PPARA: variants seen among roughly 807,000 people sequenced by gnomAD.
PPARA encodes the protein peroxisome proliferator-activated receptor alpha.
A neutral mutation model predicts 42.2 loss-of-function variants in PPARA; 22 were observed. The ratio of observed to expected loss-of-function variants is 0.52; its 90% CI spans 0.37 to 0.74. PPARA has a LOEUF of 0.74. PPARA is among the 30% of genes least tolerant of loss of function. The pLI is 0.00. For missense variants in PPARA, 465 were observed against 608.2 expected, an observed-to-expected ratio of 0.76 and a Z score of 2.48; for synonymous variants, 242 against 239.3, an observed-to-expected ratio of 1.01 and a Z score of -0.10.
chr22:46,182,687 A>G lies in PPARA; in HGVS notation c.-43+5851A>G, dbSNP rs921264106. 3.9e-5 allele frequency among the ~76,000 whole-genome samples: 6 copies of G among 152,162 alleles called. No homozygotes were observed. Among genetic ancestry groups the G allele is most frequent in the Non-Finnish European group, 8.8e-5 (6 of 68,036 alleles). On this transcript the variant is annotated intron_variant, in intron 3 of 8. Transcript: ENST00000407236. The surrounding 1 kb of genome is among the most constrained non-coding windows in gnomAD (Gnocchi z 5.2). Reference sequence around the variant, plus strand: ...AAAATACCAAATTTGTACACTTTAAATATGTACAGATTATTGTATGCCAGT... The same window carrying G: ...AAAATACCAAATTTGTACACTTTAAGTATGTACAGATTATTGTATGCCAGT...
intron 3 of PPARA, 91 bp from the exon 4 acceptor site, chr22:46,198,251 A>AAAAAG: frequency 2.1e-6 from 1 of 465,456 alleles, no homozygotes. Context: ...AAAAAAAAAA[A>AAAAAG]AAGAATAAAT....
rs1935108666 is a variant in PPARA, at chr22:46,222,848, T to A, written c.711+2834T>A. On this transcript the variant is annotated intron_variant, in intron 7 of 8. Coordinates refer to ENST00000407236, the MANE Select transcript of PPARA (RefSeq NM_005036.6). This position sits in a 1 kb window ranked among gnomAD's most constrained non-coding sequence, Gnocchi z 5.9. ...GACCAGGCAACACAAGGAGACCTCG[T>A]CTCTACAAAAAATGATTTTTTAAAA... 6.6e-6 allele frequency among the ~76,000 whole-genome samples: 1 copy of A among 151,904 alleles called. No homozygotes were observed. The highest frequency in any genetic ancestry group is 6.6e-5 in the Admixed American group (1 of 15,246).
In PPARA at chr22:46,211,685, C is replaced by G. The variant is rs899321772; in HGVS notation, c.209-3488C>G. On this transcript the variant is annotated intron_variant, in intron 4 of 8. Coordinates refer to ENST00000407236, the MANE Select transcript of PPARA (RefSeq NM_005036.6). The surrounding 1 kb of genome is among the most constrained non-coding windows in gnomAD (Gnocchi z 4.1). ...GTATCCACCACTACATTTTCCTTCT[C>G]TCTCTTTCTTGCTTTCTCGCCTTCT... 6.6e-6 allele frequency among the ~76,000 whole-genome samples: 1 copy of G among 152,160 alleles called. No homozygotes were observed. Among genetic ancestry groups the G allele is most frequent in the Non-Finnish European group, 1.5e-5 (1 of 68,036 alleles).
At position 46,243,676 on chromosome 22, in the gene PPARA, GAC is replaced by G. The variant is rs1936437454; in HGVS notation, c.*8297_*8298del. On this transcript the variant is annotated 3_prime_UTR_variant, in exon 9 of 9. Coordinates refer to ENST00000407236, the MANE Select transcript of PPARA (RefSeq NM_005036.6). The surrounding 1 kb of genome is among the most constrained non-coding windows in gnomAD (Gnocchi z 5.0). ...CTGTGTTTGGGATGTCCTACTGTAA[GAC>G]TGATGAATGTACAGAGTTAATTTCA... 2 of 152,628 alleles carry G rather than the reference GAC, an allele frequency of 1.3e-5. No individual in the cohort carries two copies. Among genetic ancestry groups the G allele is most frequent in the South Asian group, 4.2e-4 (2 of 4,818 alleles). 9.5% of individuals were successfully genotyped at this position (152,628 alleles called of 1,614,324 possible). A position where few individuals can be genotyped will look rare whatever the true frequency, so the allele number is the denominator to read the frequency against.
Position 46,243,245 on chromosome 22 carries a change from C to T in PPARA, c.*7865C>T, listed in dbSNP as rs1195096210. On this transcript the variant is annotated 3_prime_UTR_variant, in exon 9 of 9. Coordinates refer to ENST00000407236, the MANE Select transcript of PPARA (RefSeq NM_005036.6). The surrounding 1 kb of genome is among the most constrained non-coding windows in gnomAD (Gnocchi z 5.0). ...GAGAGAGGGTTGACAGAAACACACG[C>T]GAGAATGAGGCAGATCCCAGAGCAA... 3 of 152,182 alleles carry T rather than the reference C, an allele frequency of 2.0e-5. No homozygotes were observed. Among genetic ancestry groups the T allele is most frequent in the Non-Finnish European group, 4.4e-5 (3 of 68,062 alleles). 9.4% of individuals were successfully genotyped at this position (152,182 alleles called of 1,614,324 possible).
Position 46,233,677 on chromosome 22 carries a change from A to G in PPARA, c.1159+1438A>G, listed in dbSNP as rs1936035381. 6.6e-6 allele frequency among the ~76,000 whole-genome samples: 1 copy of G among 152,240 alleles called. No individual in the cohort carries two copies. The highest frequency in any genetic ancestry group is 6.5e-5 in the Admixed American group (1 of 15,278). On this transcript the variant is annotated intron_variant, in intron 8 of 8. Coordinates refer to ENST00000407236, the MANE Select transcript of PPARA (RefSeq NM_005036.6). The surrounding 1 kb of genome is among the most constrained non-coding windows in gnomAD (Gnocchi z 7.3). ...GTAAAATGCAGTTGCAGAACTATTTATATGTAGCATGATCACAGTTTTATA... is the reference window on the plus strand; with the variant it reads ...GTAAAATGCAGTTGCAGAACTATTTGTATGTAGCATGATCACAGTTTTATA...
Position 46,233,711 on chromosome 22 carries a change from TATA to T in PPARA, c.1160-1419_1160-1417del, listed in dbSNP as rs1437272958. 6.6e-6 allele frequency among the ~76,000 whole-genome samples: 1 copy of T among 152,244 alleles called. No individual in the cohort carries two copies. The highest frequency in any genetic ancestry group is 1.9e-4 in the East Asian group (1 of 5,206). On this transcript the variant is annotated intron_variant, in intron 8 of 8. Transcript: ENST00000407236. This position sits in a 1 kb window ranked among gnomAD's most constrained non-coding sequence, Gnocchi z 7.3. The stretch of plus-strand genomic sequence containing the variant: ...ATGATCACAGTTTTATAAAGGAAAT[TATA>T]ATCCTATATCAATCCTATGTATATA...
intron 3 of PPARA, 21 bp from the exon 4 acceptor site, chr22:46,198,321 A>G (rs1020705813): frequency 1.3e-5 from 18 of 1,389,724 alleles, no homozygotes; most frequent in Non-Finnish European, 1.5e-5. Flanking sequence ...AGTCTTACCA[A>G]TTGTTCCTCT....
chr22:46,195,256 T>A lies in PPARA; in HGVS notation c.-42-3086T>A, dbSNP rs552370762. Among the ~76,000 whole-genome samples the A allele has an allele frequency of 4.2e-4, 64 of 152,318 alleles. No individual in the cohort carries two copies. The highest frequency in any genetic ancestry group is 1.4e-3 in the African/African-American group (60 of 41,572). ...CCTCATGGTTAATACAGTTAGTTAG[T>A]GACTGCAACTTTTGAACTTTTTGTT... On this transcript the variant is annotated intron_variant, in intron 3 of 8. Coordinates refer to ENST00000407236, the MANE Select transcript of PPARA (RefSeq NM_005036.6). The surrounding 1 kb of genome is among the most constrained non-coding windows in gnomAD (Gnocchi z 4.6).
In PPARA at chr22:46,167,234, A is replaced by G. The variant is rs4253639; in HGVS notation, c.-126-9519A>G. 6.0e-3 allele frequency among the ~76,000 whole-genome samples: 905 copies of G among 151,174 alleles called. 10 individuals carry two copies. The highest frequency in any genetic ancestry group is 0.021 in the African/African-American group (870 of 41,238). On this transcript the variant is annotated intron_variant, in intron 2 of 8. Transcript: ENST00000407236. This position sits in a 1 kb window ranked among gnomAD's most constrained non-coding sequence, Gnocchi z 4.1. ...GCACTACAAACTCATAATTATTATCATTATATTATACTATTATGTAATAAT... is the reference window on the plus strand; with the variant it reads ...GCACTACAAACTCATAATTATTATCGTTATATTATACTATTATGTAATAAT...
intron 2 of PPARA, among the ~76,000 whole-genome samples, chr22:46,153,595 C>T (rs570263960): frequency 6.6e-6 from 1 of 152,076 alleles, no homozygotes; most frequent in East Asian, 1.9e-4. Context: ...CAGCCGGGTG[C>T]GGTGGCTCAC....
At chr22:46,181,412 A>T (rs1326267438) in intron 3 of PPARA, among the ~76,000 whole-genome samples, 1 of 152,152 alleles carries the variant, frequency 6.6e-6, no homozygotes, top group African/African-American at 2.4e-5. Context: ...TCTCCTAGCT[A>T]AGCAGCACCT....
intron 2 of PPARA, among the ~76,000 whole-genome samples, chr22:46,153,933 C>T (rs989473939): frequency 2.0e-5 from 3 of 152,148 alleles, no homozygotes; most frequent in African/African-American, 4.8e-5. Flanking sequence ...TCTTTATACA[C>T]TATTTTGTAA....
At chr22:46,217,191 TATG>T (rs1934569784) in intron 5 of PPARA, among the ~76,000 whole-genome samples, 1 of 152,090 alleles carries the variant, frequency 6.6e-6, no homozygotes, top group Non-Finnish European at 1.5e-5. Flanking sequence ...GTAAGGACAT[TATG>T]AAGACGTCAG....
rs547480515 is a variant in PPARA at position 46,230,044 on chromosome 22, C to A, written c.712-1748C>A. Reference sequence around the variant, plus strand: ...TTCTTTAAATCCTGGGATGCTTCTGCGCTTTGGGCTCCACTGTTCCAGCAG... The same window carrying A: ...TTCTTTAAATCCTGGGATGCTTCTGAGCTTTGGGCTCCACTGTTCCAGCAG... On this transcript the variant is annotated intron_variant, in intron 7 of 8. Coordinates refer to ENST00000407236, the MANE Select transcript of PPARA (RefSeq NM_005036.6). The surrounding 1 kb of genome is among the most constrained non-coding windows in gnomAD (Gnocchi z 5.0). 1.3e-5 allele frequency among the ~76,000 whole-genome samples: 2 copies of A among 152,168 alleles called. No homozygotes were observed. The highest frequency in any genetic ancestry group is 2.9e-5 in the Non-Finnish European group (2 of 68,026).
chr22:46,178,121 G>C (rs7292112), intron 3 of PPARA, among the ~76,000 whole-genome samples: 34 of 152,258 alleles, frequency 2.2e-4, no homozygotes, highest in African/African-American at 3.4e-4. Context: ...TCGTAAGGAG[G>C]GGGTAGATTT....
At position 46,236,241 on chromosome 22, in the gene PPARA, G is replaced by A. The variant is rs1230051171; in HGVS notation, c.*861G>A. On this transcript the variant is annotated 3_prime_UTR_variant, in exon 9 of 9. Coordinates refer to ENST00000407236, the MANE Select transcript of PPARA (RefSeq NM_005036.6). This position sits in a 1 kb window ranked among gnomAD's most constrained non-coding sequence, Gnocchi z 5.2. ...CAGCCTGGTGACAGAACGAGACTCT[G>A]TCTTAAAAACAAACAAACAAAAAAA... is the stretch of plus-strand genomic sequence containing the variant. 6.6e-6 allele frequency: 1 copy of A among 152,450 alleles called. No homozygotes were observed. Among genetic ancestry groups the A allele is most frequent in the East Asian group, 1.9e-4 (1 of 5,204 alleles). 9.4% of individuals were successfully genotyped at this position (152,450 alleles called of 1,614,324 possible). A position where few individuals can be genotyped will look rare whatever the true frequency, so the allele number is the denominator to read the frequency against.
chr22:46,194,425 G>C (rs1243124049), intron 3 of PPARA, among the ~76,000 whole-genome samples: 1 of 152,124 alleles, frequency 6.6e-6, no homozygotes, highest in Non-Finnish European at 1.5e-5. Flanking sequence ...CGATGCTCCT[G>C]GCCAGAAGAG....
chr22:46,240,330 G>GTTGAAA lies in PPARA; in HGVS notation c.*4950_*4951insTTGAAA. Reference sequence around the variant, plus strand: ...GGCCTGCTGGGTGTTGCTAGCCGCTGGTCCCCAGGCACGGTGCACTTTCTC... The same window carrying GTTGAAA: ...GGCCTGCTGGGTGTTGCTAGCCGCTGTTGAAAGTCCCCAGGCACGGTGCACTTTCTC... On this transcript the variant is annotated 3_prime_UTR_variant, in exon 9 of 9. Transcript: ENST00000407236. This position sits in a 1 kb window ranked among gnomAD's most constrained non-coding sequence, Gnocchi z 6.0. 5.0e-6 allele frequency: 2 copies of GTTGAAA among 398,242 alleles called. No individual in the cohort carries two copies. The highest frequency in any genetic ancestry group is 8.9e-6 in the Non-Finnish European group (2 of 225,930). 24.7% of individuals were successfully genotyped at this position (398,242 alleles called of 1,614,324 possible).
Sources: allele counts gnomAD v4.1 joint callset (sites outside exome capture counted in the v4.1 genomes callset), GRCh38; gene constraint gnomAD v4.1.1; non-coding constraint Gnocchi (gnomAD v3.1); transcripts MANE v1.5; gene names NCBI Gene and HGNC (gene_info 2026-07-23, HGNC 2026-07-21).